SIM2: variants seen among roughly 807,000 people sequenced by gnomAD.
The protein encoded by SIM2 is single-minded homolog 2.
A neutral mutation model predicts 64.8 loss-of-function variants in SIM2; 28 were observed. The ratio of observed to expected loss-of-function variants is 0.43; its 90% CI spans 0.32 to 0.59. SIM2 has a LOEUF of 0.59. Among genes scored for constraint, SIM2 ranks in the 20% least tolerant of loss-of-function variants. The pLI, the probability that SIM2 is intolerant of heterozygous loss-of-function variation, is 0.07. For missense variants in SIM2, 847 were observed against 871.4 expected (o/e 0.97, Z 0.35); for synonymous variants, 408 against 391.1 (o/e 1.04, Z -0.51).
At chr21:36,722,978 C>A (rs146057038) in intron 4 of SIM2, 67 bp from the exon 5 acceptor site, 8 of 1,207,274 alleles carry the variant, frequency 6.6e-6, no homozygotes, top group Non-Finnish European at 8.6e-6. Context: ...CACATTGGTG[C>A]GGTTGGAATA....
chr21:36,712,651 C>G, intron 3 of SIM2, 29 bp downstream of exon 3: 1 of 1,450,884 alleles, frequency 6.9e-7, no homozygotes, highest in African/African-American at 1.4e-5. Context: ...TATGTGCAAC[C>G]AAAATATTAA....
intron 7 of SIM2, among the ~76,000 whole-genome samples, chr21:36,741,416 G>T (rs1345267721): frequency 6.6e-5 from 10 of 152,202 alleles, no homozygotes. Flanking sequence ...CATTCTGCCA[G>T]ATACAAACTT....
Position 36,741,811 on chromosome 21 carries a change from C to A in SIM2, c.945C>A (p.His315Gln), listed in dbSNP as rs754419348. The A allele has an allele frequency of 6.2e-7, 1 of 1,610,022 alleles. No individual in the cohort carries two copies. Among genetic ancestry groups the A allele is most frequent in the Non-Finnish European group, 8.5e-7 (1 of 1,178,878 alleles). Residue 315 changes from histidine (H) to glutamine (Q), a missense_variant, in exon 8 of 11, where the codon CAC (histidine) becomes CAA (glutamine). His to Gln is a conservative substitution (Grantham distance 24). Transcript: ENST00000290399. ...TGCAGAGCTACGCCACCGTGGTGCACAACAGCCGCTCGTCCCGGCCCCACT... is the reference window on the plus strand; with the variant it reads ...TGCAGAGCTACGCCACCGTGGTGCAAAACAGCCGCTCGTCCCGGCCCCACT... Reference protein sequence around the residue: ...VWVQSYATVVHNSRSSRPHCI... With the variant: ...VWVQSYATVVQNSRSSRPHCI...
chr21:36,715,518 T>A (rs539646955), intron 3 of SIM2, among the ~76,000 whole-genome samples: 1 of 152,226 alleles, frequency 6.6e-6, no homozygotes. Context: ...TTAAAAAGAA[T>A]TTCTGATGAA....
At chr21:36,701,840 C>A (rs2088503036) in intron 1 of SIM2, among the ~76,000 whole-genome samples, 1 of 152,228 alleles carries the variant, frequency 6.6e-6, no homozygotes, top group South Asian at 2.1e-4. Context: ...CTGGGAAGAG[C>A]CGTTCCTTAA....
chr21:36,726,061 A>C lies in SIM2; in HGVS notation c.544-58A>C. The C allele has an allele frequency of 7.3e-7, 1 of 1,373,676 alleles. No individual in the cohort carries two copies. The highest frequency in any genetic ancestry group is 1.0e-6 in the Non-Finnish European group (1 of 970,162). The allele number at this position is 1,373,676 out of a possible 1,614,324, so 85.1% of individuals were successfully genotyped here. A position where few individuals can be genotyped will look rare whatever the true frequency, so the allele number is the denominator to read the frequency against. On this transcript the variant is annotated intron_variant, in intron 5 of 10. Coordinates refer to ENST00000290399, the MANE Select transcript of SIM2 (RefSeq NM_005069.6). This position sits in a 1 kb window ranked among gnomAD's most constrained non-coding sequence, Gnocchi z 4.5. ...ATGTTTGAGAAAATGAGCCAGGAGG[A>C]GTGGGCTCCAGCCCAACCCCAGTGG... is the stretch of plus-strand genomic sequence containing the variant.
intron 3 of SIM2, among the ~76,000 whole-genome samples, chr21:36,719,386 T>A (rs1400360056): frequency 6.6e-6 from 1 of 152,246 alleles, no homozygotes; most frequent in African/African-American, 2.4e-5. Context: ...CAGGGAGCAC[T>A]ATGTGGACAG....
At chr21:36,700,957 G>A (rs2088485244) in intron 1 of SIM2, among the ~76,000 whole-genome samples, 1 of 152,260 alleles carries the variant, frequency 6.6e-6, no homozygotes, top group Non-Finnish European at 1.5e-5. Flanking sequence ...GCCGGTTGCC[G>A]CTGGTGACAG....
chr21:36,715,747 C>T, intron 3 of SIM2, among the ~76,000 whole-genome samples: 1 of 152,116 alleles, frequency 6.6e-6, no homozygotes, highest in Non-Finnish European at 1.5e-5. Flanking sequence ...TGTTTTTGGT[C>T]TAACCTCTAC....
At chr21:36,725,889 G>A (rs1035765636) in intron 5 of SIM2, among the ~76,000 whole-genome samples, 1 of 152,238 alleles carries the variant, frequency 6.6e-6, no homozygotes, top group Admixed American at 6.5e-5. Flanking sequence ...CCAAAGTGCT[G>A]AGATGGCAAG....
intron 7 of SIM2, among the ~76,000 whole-genome samples, chr21:36,740,711 G>A (rs1342120864): frequency 6.6e-6 from 1 of 152,196 alleles, no homozygotes; most frequent in Admixed American, 6.5e-5. Flanking sequence ...CTCAAAGGCT[G>A]AATTTTTGTT....
Position 36,745,653 on chromosome 21 carries a change from T to A in SIM2, c.1576+517T>A. 1 of 1,179,374 alleles carries A rather than the reference T, an allele frequency of 8.5e-7. No homozygotes were observed. The highest frequency in any genetic ancestry group is 1.1e-6 in the Non-Finnish European group (1 of 922,202). The allele number at this position is 1,179,374 out of a possible 1,614,324, so 73.1% of individuals were successfully genotyped here. A position where few individuals can be genotyped will look rare whatever the true frequency, so the allele number is the denominator to read the frequency against. On this transcript the variant is annotated intron_variant, in intron 10 of 10. Transcript: ENST00000290399. This position sits in a 1 kb window ranked among gnomAD's most constrained non-coding sequence, Gnocchi z 4.8. ...AACCCAGGGCAAAGAACACAAACCCTCCAGGCCTCAGTTTCTTCACCTGTA... is the reference window on the plus strand; with the variant it reads ...AACCCAGGGCAAAGAACACAAACCCACCAGGCCTCAGTTTCTTCACCTGTA...
At chr21:36,712,376 A>G (rs2088689042) in intron 2 of SIM2, among the ~76,000 whole-genome samples, 157 bp from the exon 3 acceptor site, 1 of 152,222 alleles carries the variant, frequency 6.6e-6, no homozygotes, top group Non-Finnish European at 1.5e-5. Flanking sequence ...TGTTTCCTAC[A>G]GTCCTTTTTA....
At position 36,745,192 on chromosome 21, in the gene SIM2, A is replaced by G. The variant is rs751039393; in HGVS notation, c.1576+56A>G. ...GAGGACTGCGCACGGCCGGGAGCCG[A>G]AGCAGCCATGGCGGTGGGTGGCAGA... On this transcript the variant is annotated intron_variant, in intron 10 of 10. Coordinates refer to ENST00000290399, the MANE Select transcript of SIM2 (RefSeq NM_005069.6). This position sits in a 1 kb window ranked among gnomAD's most constrained non-coding sequence, Gnocchi z 4.8. 1 of 1,553,002 alleles carries G rather than the reference A, an allele frequency of 6.4e-7. No homozygotes were observed. The highest frequency in any genetic ancestry group is 8.7e-7 in the Non-Finnish European group (1 of 1,149,092).
chr21:36,701,132 G>T (rs979983431), intron 1 of SIM2, among the ~76,000 whole-genome samples: 2 of 152,210 alleles, frequency 1.3e-5, no homozygotes, highest in Non-Finnish European at 2.9e-5. Context: ...GGTTCTGGTG[G>T]GTCCTCTGGG....
intron 7 of SIM2, 79 bp downstream of exon 7, chr21:36,731,230 C>T (rs1253288062): frequency 9.9e-7 from 1 of 1,007,280 alleles, no homozygotes; most frequent in Non-Finnish European, 1.5e-6. Flanking sequence ...GGGGACGTGT[C>T]CCTTTTGTTG....
At chr21:36,722,592 G>C (rs936916052) in intron 4 of SIM2, among the ~76,000 whole-genome samples, 1 of 152,124 alleles carries the variant, frequency 6.6e-6, no homozygotes, top group Non-Finnish European at 1.5e-5. Context: ...TGAGTGAGTG[G>C]GAAGGGCAGA....
chr21:36,733,930 C>T (rs182540705), intron 7 of SIM2, among the ~76,000 whole-genome samples: 1 of 152,320 alleles, frequency 6.6e-6, no homozygotes, highest in East Asian at 1.9e-4. Context: ...TCAGTCAGTG[C>T]CTCCTCTGTG....
chr21:36,707,183 G>A (rs759794634), intron 1 of SIM2, among the ~76,000 whole-genome samples: 1 of 152,258 alleles, frequency 6.6e-6, no homozygotes, highest in Non-Finnish European at 1.5e-5. Context: ...GAAAAGGACA[G>A]CTGCCAGGGT....
Sources: allele counts gnomAD v4.1 joint callset (sites outside exome capture counted in the v4.1 genomes callset), GRCh38; gene constraint gnomAD v4.1.1; non-coding constraint Gnocchi (gnomAD v3.1); transcripts MANE v1.5; gene names NCBI Gene and HGNC (gene_info 2026-07-23, HGNC 2026-07-21).